BICC1: variants seen among roughly 807,000 people sequenced by gnomAD.
The protein encoded by BICC1 is protein bicaudal C homolog 1.
A neutral mutation model predicts 111.0 loss-of-function variants in BICC1; 43 were observed. The observed-to-expected ratio is 0.39, with a 90% confidence interval of 0.30 to 0.50. The LOEUF is 0.50. Ranked by LOEUF, BICC1 falls within the 20% of genes least tolerant of loss-of-function variation. BICC1 has a pLI of 0.88. For missense variants in BICC1, 1,091 were observed against 1,203.2 expected (o/e 0.91, Z 1.38); for synonymous variants, 467 against 434.4 (o/e 1.07, Z -0.93).
rs146616479 is a variant in BICC1, at chr10:58,811,582, C to T, written c.2377-2248C>T. Among the ~76,000 whole-genome samples, 326 of 151,946 alleles carry T rather than the reference C, an allele frequency of 2.1e-3. 3 individuals are homozygous for T. The East Asian group carries it at 0.023, about 11-fold the overall frequency. On this transcript the variant is annotated intron_variant, in intron 17 of 20. Transcript: ENST00000373886. ...GTCCTTGAGATTAATTCAATAATTCCACAAATACTAAGCACCTTATGTGTT... is the reference window on the plus strand; with the variant it reads ...GTCCTTGAGATTAATTCAATAATTCTACAAATACTAAGCACCTTATGTGTT...
At chr10:58,530,723 G>A (rs151094866) in intron 1 of BICC1, among the ~76,000 whole-genome samples, 64 of 149,802 alleles carry the variant, frequency 4.3e-4, no homozygotes, top group South Asian at 3.8e-3. Context: ...AGGGAGAGGC[G>A]GAAATGGACG....
At chr10:58,763,527 G>C (rs933142992) in intron 3 of BICC1, among the ~76,000 whole-genome samples, 1 of 152,206 alleles carries the variant, frequency 6.6e-6, no homozygotes, top group African/African-American at 2.4e-5. Context: ...AATGGATTGT[G>C]CCTCACTGAC....
intron 1 of BICC1, among the ~76,000 whole-genome samples, chr10:58,567,974 C>G (rs1621227): frequency 0.46 from 69,767 of 151,782 alleles, 17,077 homozygotes; most frequent in Admixed American, 0.62. Flanking sequence ...GCTCAGGGGA[C>G]AATGGGGAGG....
At chr10:58,801,470 A>C (rs1843545428) in intron 14 of BICC1, among the ~76,000 whole-genome samples, 1 of 152,206 alleles carries the variant, frequency 6.6e-6, no homozygotes. Flanking sequence ...CTTTTAAATA[A>C]ATGCTTGACA....
chr10:58,588,831 T>C (rs1844510807), intron 1 of BICC1, among the ~76,000 whole-genome samples: 1 of 152,176 alleles, frequency 6.6e-6, no homozygotes, highest in South Asian at 2.1e-4. Context: ...TTTCATGGCA[T>C]TGGATGGCAT....
chr10:58,736,290 A>G (rs1450740312), intron 3 of BICC1, among the ~76,000 whole-genome samples: 1 of 152,334 alleles, frequency 6.6e-6, no homozygotes, highest in East Asian at 1.9e-4. Flanking sequence ...TTATGTAATG[A>G]TAATAAGGGA....
intron 2 of BICC1, among the ~76,000 whole-genome samples, chr10:58,662,641 T>G (rs2132294224): frequency 6.6e-6 from 1 of 152,330 alleles, no homozygotes; most frequent in South Asian, 2.1e-4. Context: ...ACATGACCCC[T>G]GATTACTTTT....
intron 9 of BICC1, among the ~76,000 whole-genome samples, chr10:58,796,009 C>T (rs1843341116): frequency 6.6e-6 from 1 of 152,150 alleles, no homozygotes; most frequent in African/African-American, 2.4e-5. Context: ...GTGCCTTGAC[C>T]TGGGCTAAGT....
At position 58,789,202 on chromosome 10, in the gene BICC1, A is replaced by ATGTT; in HGVS notation, c.601-60_601-59insTGTT. 4.3e-6 allele frequency: 6 copies of ATGTT among 1,383,418 alleles called. No individual in the cohort carries two copies. The South Asian group carries it at 7.7e-5, about 18-fold the overall frequency. The allele number at this position is 1,383,418 out of a possible 1,614,324, so 85.7% of individuals were successfully genotyped here. Reference sequence around the variant, plus strand: ...TCAGAAAAGAACCAATGAATGATACACATGTCTGAATGTCTAATGCTTTAA... The same window carrying ATGTT: ...TCAGAAAAGAACCAATGAATGATACATGTTCATGTCTGAATGTCTAATGCTTTAA... On this transcript the variant is annotated intron_variant, in intron 6 of 20. Coordinates refer to ENST00000373886, the MANE Select transcript of BICC1 (RefSeq NM_001080512.3).
At chr10:58,605,134 C>T (rs1845167246) in intron 1 of BICC1, among the ~76,000 whole-genome samples, 1 of 152,196 alleles carries the variant, frequency 6.6e-6, no homozygotes, top group Non-Finnish European at 1.5e-5. Flanking sequence ...GCCAGATTAT[C>T]ACACTTGTCC....
chr10:58,514,858 A>G (rs962491815), intron 1 of BICC1, among the ~76,000 whole-genome samples: 1 of 152,202 alleles, frequency 6.6e-6, no homozygotes, highest in Non-Finnish European at 1.5e-5. Context: ...ATAAAACAAA[A>G]TATTAAATTT....
chr10:58,780,714 A>G (rs180994913), intron 3 of BICC1, among the ~76,000 whole-genome samples: 191 of 152,320 alleles, frequency 1.3e-3, no homozygotes, highest in African/African-American at 4.2e-3. Context: ...ATGGAAAACC[A>G]CAGAGTAGAA....
intron 3 of BICC1, among the ~76,000 whole-genome samples, chr10:58,770,403 A>G (rs953442835): frequency 6.6e-6 from 1 of 152,154 alleles, no homozygotes. Context: ...TCCACCAAGT[A>G]ATTATGCTGA....
At chr10:58,548,972 A>G (rs1460087174) in intron 1 of BICC1, among the ~76,000 whole-genome samples, 1 of 151,616 alleles carries the variant, frequency 6.6e-6, no homozygotes, top group African/African-American at 2.4e-5. Flanking sequence ...TGATTTTTCC[A>G]CCTCAGCCTC....
chr10:58,785,037 T>C lies in BICC1; in HGVS notation c.344T>C (p.Val115Ala). ...AAGGTTTCTGGAAAGAAAGAAGATGTTAAAGAAGCCAAGGAAATGATCATG... is the reference window on the plus strand; with the variant it reads ...AAGGTTTCTGGAAAGAAAGAAGATGCTAAAGAAGCCAAGGAAATGATCATG... ...HIKVSGKKEDVKEAKEMIMSV... is the reference protein window; with the variant it reads ...HIKVSGKKEDAKEAKEMIMSV... Residue 115 changes from valine (V) to alanine (A), a missense_variant, in exon 4 of 21, where the codon GTT becomes GCT. Physicochemically the swap from Val to Ala is moderately conservative, Grantham distance 64. Around this residue, in one of 3 missense-constraint regions of BICC1, gnomAD observed 843 missense variants for 900.8 expected, o/e 0.94. Coordinates refer to ENST00000373886, the MANE Select transcript of BICC1 (RefSeq NM_001080512.3). 3 of 1,600,984 alleles carry C rather than the reference T, an allele frequency of 1.9e-6. No homozygotes were observed. The highest frequency in any genetic ancestry group is 1.7e-6 in the Non-Finnish European group (2 of 1,172,876).
chr10:58,798,845 AG>A (rs1843443319), intron 11 of BICC1, among the ~76,000 whole-genome samples: 1 of 152,172 alleles, frequency 6.6e-6, no homozygotes, highest in African/African-American at 2.4e-5. Context: ...CTGTACAATG[AG>A]AGGGTTGGAT....
At chr10:58,701,129 G>T (rs761217006) in intron 2 of BICC1, among the ~76,000 whole-genome samples, 2 of 152,012 alleles carry the variant, frequency 1.3e-5, no homozygotes, top group Non-Finnish European at 2.9e-5. Flanking sequence ...TGTTTAGGTT[G>T]TTTTCACCAT....
intron 13 of BICC1, 50 bp from the exon 14 acceptor site, chr10:58,800,840 G>C: frequency 6.6e-7 from 1 of 1,515,962 alleles, no homozygotes; most frequent in Non-Finnish European, 8.9e-7. Context: ...TTGTCAACTG[G>C]AAGGTGATGT....
chr10:58,752,454 G>A (rs746995367), intron 3 of BICC1, among the ~76,000 whole-genome samples: 28 of 152,088 alleles, frequency 1.8e-4, no homozygotes, highest in Admixed American at 3.9e-4. Context: ...CTGATTCTTC[G>A]GAATGCCATC....
Sources: gnomAD v4.1 joint callset for allele counts (sites outside exome capture counted in the v4.1 genomes callset) on GRCh38, gnomAD v4.1.1 for gene constraint, gnomAD v4.1.1 regional missense constraint, MANE v1.5 for transcripts, NCBI Gene and HGNC (gene_info 2026-07-23, HGNC 2026-07-21) for gene names.